SMYD3: variants seen among roughly 807,000 people sequenced by gnomAD.
SMYD3 encodes the protein histone-lysine N-methyltransferase SMYD3.
Under a neutral mutation model 57.7 loss-of-function variants are expected in SMYD3, and 36 were observed. The ratio of observed to expected loss-of-function variants is 0.62; its 90% confidence interval spans 0.48 to 0.82. SMYD3 has a LOEUF of 0.82. Among genes scored for constraint, SMYD3 ranks in the 40% least tolerant of loss-of-function variants. The pLI is 0.00. For synonymous variants in SMYD3, 211 were observed against 195.0 expected, an observed-to-expected ratio of 1.08 and a Z score of -0.68; for missense variants, 515 against 538.8, an observed-to-expected ratio of 0.96 and a Z score of 0.44.
At chr1:246,161,941 T>TA (rs1291260644) in intron 5 of SMYD3, among the ~76,000 whole-genome samples, 4 of 151,722 alleles carry the variant, frequency 2.6e-5, no homozygotes, top group East Asian at 3.9e-4. Flanking sequence ...TGCAAGAGGG[T>TA]AAAAAAAATA....
chr1:246,061,491 T>C (rs952777667), intron 5 of SMYD3, among the ~76,000 whole-genome samples: 10 of 150,622 alleles, frequency 6.6e-5, no homozygotes, highest in Non-Finnish European at 8.9e-5. Flanking sequence ...GAGGCTGAGG[T>C]GGGAGGATCA....
chr1:246,283,912 C>A (rs1558376043), intron 5 of SMYD3, among the ~76,000 whole-genome samples: 1 of 152,130 alleles, frequency 6.6e-6, no homozygotes, highest in Non-Finnish European at 1.5e-5. Flanking sequence ...TAACTGATTT[C>A]AAAATAACAA....
intron 10 of SMYD3, among the ~76,000 whole-genome samples, chr1:245,774,854 C>G (rs2046498860): frequency 6.6e-6 from 1 of 152,174 alleles, no homozygotes; most frequent in Admixed American, 6.5e-5. Context: ...GGGTGCACCG[C>G]CACGCCTGAC....
chr1:245,820,524 T>C (rs1191706120), intron 10 of SMYD3, among the ~76,000 whole-genome samples: 2 of 108,828 alleles, frequency 1.8e-5, no homozygotes, highest in Non-Finnish European at 4.0e-5. Context: ...CTATTCAACA[T>C]AGTGTTGGAA....
At chr1:245,784,707 A>G (rs1344118473) in intron 10 of SMYD3, among the ~76,000 whole-genome samples, 4 of 152,200 alleles carry the variant, frequency 2.6e-5, no homozygotes, top group Non-Finnish European at 5.9e-5. Flanking sequence ...AGTGTTGCCA[A>G]GGACCAAGGC....
At chr1:246,039,866 T>C (rs12090120) in intron 5 of SMYD3, among the ~76,000 whole-genome samples, 67,112 of 151,958 alleles carry the variant, frequency 0.44, 16,657 homozygotes, top group East Asian at 0.82. Flanking sequence ...CCAGGCCCAA[T>C]AGTTCTCAAC....
chr1:246,452,532 A>G (rs1362172582), intron 1 of SMYD3, among the ~76,000 whole-genome samples: 1 of 152,178 alleles, frequency 6.6e-6, no homozygotes, highest in African/African-American at 2.4e-5. Context: ...CTCATTTATA[A>G]ATATTGGTGC....
intron 1 of SMYD3, among the ~76,000 whole-genome samples, chr1:246,356,451 C>T (rs1010254413): frequency 2.6e-5 from 4 of 152,024 alleles, no homozygotes; most frequent in South Asian, 2.1e-4. Context: ...ATAAAATATC[C>T]GGATTGCAAG....
chr1:245,915,697 C>T, intron 7 of SMYD3, 57 bp from the exon 8 acceptor site: 1 of 1,123,578 alleles, frequency 8.9e-7, no homozygotes, highest in Non-Finnish European at 1.3e-6. Flanking sequence ...ATTTCTTTAA[C>T]AAATGGTTAT....
At chr1:246,406,118 C>T (rs1026267195) in intron 1 of SMYD3, among the ~76,000 whole-genome samples, 4 of 151,472 alleles carry the variant, frequency 2.6e-5, no homozygotes, top group Non-Finnish European at 4.4e-5. Context: ...ATAGAGACAG[C>T]GTTTTGCCAT....
At chr1:245,761,784 G>GTTTTTTTTT (rs1203397369) in intron 11 of SMYD3, among the ~76,000 whole-genome samples, 1 of 114,446 alleles carries the variant, frequency 8.7e-6, no homozygotes, top group African/African-American at 5.3e-5. Context: ...ACCATATTGA[G>GTTTTTTTTT]TCTTTTTTTT....
chr1:246,295,714 G>A (rs2064780849), intron 5 of SMYD3, among the ~76,000 whole-genome samples: 2 of 152,090 alleles, frequency 1.3e-5, no homozygotes, highest in South Asian at 4.1e-4. Context: ...AGACCCTCAG[G>A]TTACAATACC....
chr1:246,213,203 G>A (rs927243641), intron 5 of SMYD3, among the ~76,000 whole-genome samples: 2 of 152,108 alleles, frequency 1.3e-5, no homozygotes, highest in African/African-American at 4.8e-5. Flanking sequence ...TGCTCTTTTT[G>A]TCAGTTACCT....
intron 5 of SMYD3, among the ~76,000 whole-genome samples, chr1:246,167,115 C>T (rs371381960): frequency 6.6e-6 from 1 of 152,210 alleles, no homozygotes; most frequent in East Asian, 1.9e-4. Context: ...TGTATGGGTA[C>T]TTCATTCATT....
chr1:246,413,487 T>C (rs2102988773), intron 1 of SMYD3, among the ~76,000 whole-genome samples: 1 of 152,244 alleles, frequency 6.6e-6, no homozygotes, highest in African/African-American at 2.4e-5. Context: ...GGATGCATGA[T>C]ATAGTTTGAA....
intron 10 of SMYD3, among the ~76,000 whole-genome samples, chr1:245,829,149 T>G (rs1305532155): frequency 6.6e-6 from 1 of 151,702 alleles, no homozygotes; most frequent in Non-Finnish European, 1.5e-5. Flanking sequence ...TCAACAGATT[T>G]TAATGTGAGA....
chr1:245,761,759 C>T (rs895294860), intron 11 of SMYD3, among the ~76,000 whole-genome samples: 1 of 148,768 alleles, frequency 6.7e-6, no homozygotes, highest in African/African-American at 2.5e-5. Context: ...CTATCTCCTC[C>T]ATTAAATTGT....
At chr1:246,093,584 A>C (rs2060858761) in intron 5 of SMYD3, among the ~76,000 whole-genome samples, 1 of 152,170 alleles carries the variant, frequency 6.6e-6, no homozygotes, top group African/African-American at 2.4e-5. Flanking sequence ...TAGAGAGTAG[A>C]GGGGTGGTTA....
chr1:245,807,686 C>T (rs1478528143), intron 10 of SMYD3, among the ~76,000 whole-genome samples: 1 of 152,034 alleles, frequency 6.6e-6, no homozygotes, highest in Admixed American at 6.6e-5. Context: ...AACAAAACAA[C>T]ACTTTACAGT....
Sources: allele counts gnomAD v4.1 joint callset (sites outside exome capture counted in the v4.1 genomes callset), GRCh38; gene constraint gnomAD v4.1.1; transcripts MANE v1.5; gene names NCBI Gene and HGNC (gene_info 2026-07-23, HGNC 2026-07-21).